SGCZ: variants seen among roughly 807,000 people sequenced by gnomAD.
SGCZ encodes the protein zeta-sarcoglycan.
SGCZ carries 40 observed loss-of-function variants against 41.3 expected under a neutral mutation model. The observed-to-expected ratio is 0.97, with a 90% CI of 0.75 to 1.26. The LOEUF is 1.26. Ranked by LOEUF, SGCZ falls within the 50% of genes most tolerant of loss-of-function variation. The pLI is 0.00. For synonymous variants in SGCZ, 206 were observed against 137.5 expected, an observed-to-expected ratio of 1.50 and a Z score of -3.49; for missense variants, 552 against 369.8, an observed-to-expected ratio of 1.49 and a Z score of -4.04.
intron 2 of SGCZ, among the ~76,000 whole-genome samples, chr8:14,456,069 T>C (rs1378809722): frequency 1.3e-5 from 2 of 152,142 alleles, no homozygotes; most frequent in African/African-American, 4.8e-5. Context: ...ATGGTGACGC[T>C]TGCACAACTC....
intron 1 of SGCZ, among the ~76,000 whole-genome samples, chr8:15,063,608 C>T (rs1307314819): frequency 6.6e-6 from 1 of 152,090 alleles, no homozygotes; most frequent in Non-Finnish European, 1.5e-5. Context: ...TTTGCCACAG[C>T]TATACTGTCT....
intron 2 of SGCZ, among the ~76,000 whole-genome samples, chr8:14,462,884 T>C (rs1375980665): frequency 6.7e-6 from 1 of 148,918 alleles, no homozygotes. Flanking sequence ...TTTTTTTGAG[T>C]TTTCTTTCAT....
intron 1 of SGCZ, among the ~76,000 whole-genome samples, chr8:14,915,781 G>C (rs146626198): frequency 7.2e-5 from 11 of 152,130 alleles, no homozygotes; most frequent in African/African-American, 2.7e-4. Flanking sequence ...TGTCTCTCTG[G>C]AAAGGAATTG....
intron 2 of SGCZ, among the ~76,000 whole-genome samples, chr8:14,502,334 T>C (rs1802178369): frequency 6.6e-6 from 1 of 152,158 alleles, no homozygotes; most frequent in African/African-American, 2.4e-5. Flanking sequence ...AGTTGAACCA[T>C]GTCTCAATCA....
At chr8:14,855,380 T>C (rs1803510257) in intron 1 of SGCZ, among the ~76,000 whole-genome samples, 2 of 152,112 alleles carry the variant, frequency 1.3e-5, no homozygotes, top group Admixed American at 1.3e-4. Flanking sequence ...GGGTATCAAG[T>C]CTCTGTACTT....
rs144632252 is a variant in SGCZ at position 14,568,922 on chromosome 8, G to A, written c.40-13996C>T. Among the ~76,000 whole-genome samples, 486 of 152,260 alleles carry A rather than the reference G, an allele frequency of 3.2e-3. 5 individuals carry two copies. Among genetic ancestry groups the A allele is most frequent in the African/African-American group, 0.011 (466 of 41,558 alleles). On this transcript the variant is annotated intron_variant, in intron 1 of 7. Coordinates refer to ENST00000382080, the MANE Select transcript of SGCZ (RefSeq NM_139167.4). ...TTGGAAACATATTCAGGGGCATGGT[G>A]GGAGGAAGTGAAATTGTATTTGAGT...
chr8:14,655,766 C>T (rs1807545267), intron 1 of SGCZ, among the ~76,000 whole-genome samples: 3 of 152,074 alleles, frequency 2.0e-5, no homozygotes, highest in Admixed American at 2.0e-4. Flanking sequence ...TAGCCTCATC[C>T]AATCCCTTCC....
intron 2 of SGCZ, among the ~76,000 whole-genome samples, chr8:14,529,186 G>T (rs984455001): frequency 6.6e-6 from 1 of 152,080 alleles, no homozygotes; most frequent in African/African-American, 2.4e-5. Flanking sequence ...ATAAGTACTT[G>T]CATGATTTGG....
intron 4 of SGCZ, among the ~76,000 whole-genome samples, chr8:14,226,817 C>A (rs1806388535): frequency 6.6e-6 from 1 of 152,086 alleles, no homozygotes; most frequent in Non-Finnish European, 1.5e-5. Flanking sequence ...GCATTCCTAG[C>A]AGCAGGAGTA....
chr8:14,467,563 G>C (rs539708466), intron 2 of SGCZ, among the ~76,000 whole-genome samples: 2 of 152,046 alleles, frequency 1.3e-5, no homozygotes, highest in African/African-American at 4.8e-5. Context: ...ACTGTGCTAC[G>C]AGGAGCAATC....
At chr8:14,299,131 A>T (rs140930405) in intron 3 of SGCZ, among the ~76,000 whole-genome samples, 5 of 152,150 alleles carry the variant, frequency 3.3e-5, no homozygotes, top group Non-Finnish European at 7.4e-5. Flanking sequence ...GTATGGAAAA[A>T]GTACACATCA....
At chr8:15,212,026 G>A (rs900684969) in intron 1 of SGCZ, among the ~76,000 whole-genome samples, 2 of 152,072 alleles carry the variant, frequency 1.3e-5, no homozygotes, top group African/African-American at 4.8e-5. Flanking sequence ...GTCTACATTA[G>A]TCAAGTTGCT....
chr8:14,525,193 T>C (rs28759255), intron 2 of SGCZ, among the ~76,000 whole-genome samples: 6,416 of 74,712 alleles, frequency 0.086, 358 homozygotes, highest in African/African-American at 0.17. Flanking sequence ...GATAGATAGA[T>C]AGACAGACAG....
At chr8:14,458,679 G>C (rs768692922) in intron 2 of SGCZ, among the ~76,000 whole-genome samples, 6 of 152,096 alleles carry the variant, frequency 3.9e-5, no homozygotes, top group Non-Finnish European at 7.4e-5. Flanking sequence ...ATATGGAGTA[G>C]TATCTCTATC....
intron 1 of SGCZ, among the ~76,000 whole-genome samples, chr8:14,945,002 C>G (rs1357440445): frequency 6.6e-6 from 1 of 152,092 alleles, no homozygotes; most frequent in Non-Finnish European, 1.5e-5. Flanking sequence ...ACATAAGCAT[C>G]AGTCTTTGAA....
intron 2 of SGCZ, among the ~76,000 whole-genome samples, chr8:14,551,442 T>A (rs1367610317): frequency 1.4e-5 from 1 of 70,890 alleles, no homozygotes. Flanking sequence ...TCTTCAACTA[T>A]TTCATATATA....
At chr8:14,159,712 C>T (rs1803982654) in intron 5 of SGCZ, among the ~76,000 whole-genome samples, 1 of 152,172 alleles carries the variant, frequency 6.6e-6, no homozygotes, top group Non-Finnish European at 1.5e-5. Flanking sequence ...AAAGCGGCTC[C>T]ATCCTGCTGC....
intron 5 of SGCZ, among the ~76,000 whole-genome samples, chr8:14,140,426 A>C (rs569378980): frequency 6.6e-6 from 1 of 152,244 alleles, no homozygotes; most frequent in East Asian, 1.9e-4. Context: ...AAACCCCATC[A>C]TCTCAGCCCA....
At chr8:14,321,251 C>T (rs1245555243) in intron 3 of SGCZ, among the ~76,000 whole-genome samples, 1 of 151,898 alleles carries the variant, frequency 6.6e-6, no homozygotes, top group Non-Finnish European at 1.5e-5. Flanking sequence ...AAGATATTTC[C>T]TGGATACACT....
Sources: allele counts gnomAD v4.1 joint callset (sites outside exome capture counted in the v4.1 genomes callset), GRCh38; gene constraint gnomAD v4.1.1; transcripts MANE v1.5; gene names NCBI Gene and HGNC (gene_info 2026-07-23, HGNC 2026-07-21).